Variants in WNT3 observed in about 807,000 individuals in gnomAD.
WNT3 encodes the protein proto-oncogene Wnt-3.
WNT3 carries 7 observed loss-of-function variants against 34.2 expected under a neutral mutation model. The observed-to-expected ratio is 0.20, with a 90% CI of 0.12 to 0.38. The LOEUF is 0.38. Among genes scored for constraint, WNT3 ranks in the 10% least tolerant of loss-of-function variants. The pLI, the probability that WNT3 is intolerant of heterozygous loss-of-function variation, is 1.00. For missense variants in WNT3, 267 were observed against 499.8 expected, an observed-to-expected ratio of 0.53 and a Z score of 4.44; for synonymous variants, 212 against 211.5, an observed-to-expected ratio of 1.00 and a Z score of -0.02.
At chr17:46,788,111 C>A (rs905038313) in intron 1 of WNT3, among the ~76,000 whole-genome samples, 11 of 152,122 alleles carry the variant, frequency 7.2e-5, no homozygotes, top group Non-Finnish European at 1.2e-4. Context: ...GCAAAGAAGT[C>A]CCCTTCAAAG....
chr17:46,783,114 A>C (rs928903925), intron 1 of WNT3, among the ~76,000 whole-genome samples: 1 of 152,196 alleles, frequency 6.6e-6, no homozygotes, highest in Non-Finnish European at 1.5e-5. Flanking sequence ...GCTCGCCTGC[A>C]TCTCCAGCAG....
chr17:46,784,602 G>T (rs2059486760), intron 1 of WNT3, among the ~76,000 whole-genome samples: 1 of 152,100 alleles, frequency 6.6e-6, no homozygotes, highest in Non-Finnish European at 1.5e-5. Flanking sequence ...GGCTGGAAAG[G>T]TGGGCTCTCC....
Position 46,763,142 on chromosome 17 carries a change from A to G in WNT3, c.*1488T>C, listed in dbSNP as rs945506698. 1.3e-5 allele frequency: 2 copies of G among 152,136 alleles called. No homozygotes were observed. Among genetic ancestry groups the G allele is most frequent in the Non-Finnish European group, 2.9e-5 (2 of 68,028 alleles). The allele number at this position is 152,136 out of a possible 1,614,324, so 9.4% of individuals were successfully genotyped here. ...TGGGAGATCGCTGCCCTGGTATTTT[A>G]GGTCAGGGTTAGGTAGACCCCAGAG... On this transcript the variant is annotated 3_prime_UTR_variant, in exon 5 of 5. Coordinates refer to ENST00000225512, the MANE Select transcript of WNT3 (RefSeq NM_030753.5).
chr17:46,773,442 G>A (rs1003911912), intron 2 of WNT3, among the ~76,000 whole-genome samples: 2 of 152,118 alleles, frequency 1.3e-5, no homozygotes, highest in Non-Finnish European at 2.9e-5. Context: ...GAAGTCTGTG[G>A]CCTTCTTGGT....
intron 1 of WNT3, among the ~76,000 whole-genome samples, chr17:46,807,110 A>C (rs2084207487): frequency 1.3e-5 from 2 of 152,168 alleles, no homozygotes; most frequent in Non-Finnish European, 2.9e-5. Flanking sequence ...TAGAGTGGAG[A>C]AGATCATGGA....
chr17:46,791,070 A>G (rs1157966101), intron 1 of WNT3, among the ~76,000 whole-genome samples: 1 of 152,000 alleles, frequency 6.6e-6, no homozygotes, highest in Non-Finnish European at 1.5e-5. Flanking sequence ...AGTAGGTGGA[A>G]GTTCTGTCTG....
Position 46,816,475 on chromosome 17 carries a change from G to GCACGCA in WNT3, c.80+2042_80+2043insTGCGTG, listed in dbSNP as rs1475869479. On this transcript the variant is annotated intron_variant, in intron 1 of 4. Coordinates refer to ENST00000225512, the MANE Select transcript of WNT3 (RefSeq NM_030753.5). Reference sequence around the variant, plus strand: ...TTAGGGTCATAGACCCAGAACACACGCACACACACACACACACACACACAC... The same window carrying GCACGCA: ...TTAGGGTCATAGACCCAGAACACACGCACGCACACACACACACACACACACACACAC... Among the ~76,000 whole-genome samples, 260 of 144,342 alleles carry GCACGCA rather than the reference G, an allele frequency of 1.8e-3. 1 individual carries two copies. The highest frequency in any genetic ancestry group is 6.5e-3 in the African/African-American group (254 of 38,898). 94.7% of individuals were successfully genotyped at this position (144,342 alleles called of 152,430 possible).
At chr17:46,808,961 G>A (rs1033116577) in intron 1 of WNT3, among the ~76,000 whole-genome samples, 1 of 152,186 alleles carries the variant, frequency 6.6e-6, no homozygotes, top group African/African-American at 2.4e-5. Context: ...CATGACCTGA[G>A]CCAAGTGGGG....
rs768238279 is a variant in WNT3 at position 46,769,831 on chromosome 17, C to T, written c.540G>A (p.Pro180=). The T allele has an allele frequency of 6.2e-6, 10 of 1,613,072 alleles. No homozygotes were observed. The highest frequency in any genetic ancestry group is 3.3e-4 in the Middle Eastern group (2 of 6,084). The change falls in exon 3 of 5, where the codon CCG becomes CCA. Residue 180 remains proline (P), a synonymous_variant. Coordinates refer to ENST00000225512, the MANE Select transcript of WNT3 (RefSeq NM_030753.5). ...REFADARENR[P]DARSAMNKHN... ...GCTTGTTCATGGCCGAGCGCGCGTC[C>T]GGCCTGTTCTCGCGCGCATCCGCGA...
chr17:46,775,945 A>G (rs1747459449), intron 1 of WNT3, among the ~76,000 whole-genome samples: 1 of 152,148 alleles, frequency 6.6e-6, no homozygotes, highest in African/African-American at 2.4e-5. Context: ...GTAATGGCTA[A>G]TTACTGATTT....
In WNT3 at chr17:46,801,896, G is replaced by A. The variant is rs189455325; in HGVS notation, c.80+16622C>T. Among the ~76,000 whole-genome samples, 4 of 152,200 alleles carry A rather than the reference G, an allele frequency of 2.6e-5. No homozygotes were observed. In the East Asian group the frequency reaches 7.7e-4, roughly 29 times the overall value. On this transcript the variant is annotated intron_variant, in intron 1 of 4. Coordinates refer to ENST00000225512, the MANE Select transcript of WNT3 (RefSeq NM_030753.5). ...TCGACCCTAGTGGAACTGTTTCCCC[G>A]CCAAGCCCTAAGGCCTGGCTGTAGC... is the stretch of plus-strand genomic sequence containing the variant.
chr17:46,765,540 C>T (rs947336443), intron 4 of WNT3, among the ~76,000 whole-genome samples: 1 of 152,248 alleles, frequency 6.6e-6, no homozygotes, highest in Non-Finnish European at 1.5e-5. Flanking sequence ...TCTGCGACTC[C>T]CTTCTCTCTC....
chr17:46,783,988 C>T (rs959793932), intron 1 of WNT3, among the ~76,000 whole-genome samples: 2 of 152,094 alleles, frequency 1.3e-5, no homozygotes, highest in Non-Finnish European at 2.9e-5. Flanking sequence ...GCGGGGTTGA[C>T]GTGGATGCTA....
intron 1 of WNT3, among the ~76,000 whole-genome samples, chr17:46,794,298 G>A (rs2084024764): frequency 6.6e-6 from 1 of 152,168 alleles, no homozygotes; most frequent in African/African-American, 2.4e-5. Flanking sequence ...GCCAGGGCCT[G>A]AGGTCCTGCT....
chr17:46,813,783 A>G (rs1598801500), intron 1 of WNT3, among the ~76,000 whole-genome samples: 1 of 152,258 alleles, frequency 6.6e-6, no homozygotes, highest in East Asian at 1.9e-4. Context: ...ACTTCTTCCA[A>G]TTCTACATCT....
intron 1 of WNT3, among the ~76,000 whole-genome samples, chr17:46,814,218 A>G (rs1298228459): frequency 1.3e-5 from 2 of 152,208 alleles, no homozygotes; most frequent in South Asian, 4.1e-4. Context: ...AAATGCTCTG[A>G]GAGTCTAGAA....
chr17:46,814,214 T>C (rs1179622584), intron 1 of WNT3, among the ~76,000 whole-genome samples: 1 of 152,214 alleles, frequency 6.6e-6, no homozygotes, highest in Non-Finnish European at 1.5e-5. Context: ...GACAAAATGC[T>C]CTGAGAGTCT....
intron 1 of WNT3, among the ~76,000 whole-genome samples, chr17:46,781,208 A>G (rs1354421565): frequency 6.9e-6 from 1 of 144,758 alleles, no homozygotes; most frequent in Non-Finnish European, 1.5e-5. Context: ...CTTGGGCGAC[A>G]GAGCAAGACT....
At chr17:46,812,836 T>G (rs2084293850) in intron 1 of WNT3, among the ~76,000 whole-genome samples, 1 of 152,212 alleles carries the variant, frequency 6.6e-6, no homozygotes, top group African/African-American at 2.4e-5. Flanking sequence ...TGAAAATAGC[T>G]AACATCGATA....
Sources: gnomAD v4.1 joint callset for allele counts (sites outside exome capture counted in the v4.1 genomes callset) on GRCh38, gnomAD v4.1.1 for gene constraint, MANE v1.5 for transcripts, NCBI Gene and HGNC (gene_info 2026-07-23, HGNC 2026-07-21) for gene names.